Variants in CADM2 observed in about 807,000 individuals in gnomAD.
The protein encoded by CADM2 is immunoglobulin superfamily member 4D.
In CADM2, 12 loss-of-function variants were observed where a neutral mutation model predicts 49.8. The ratio of observed to expected loss-of-function variants is 0.24; its 90% CI spans 0.15 to 0.39. CADM2 has a LOEUF of 0.39. Among genes scored for constraint, CADM2 ranks in the 10% least tolerant of loss-of-function variants. The probability of loss-of-function intolerance (pLI) is 1.00; values close to 1 mark genes in which losing one functional copy is unlikely to be tolerated. For synonymous variants in CADM2, 214 were observed against 175.4 expected (o/e 1.22, Z -1.74); for missense variants, 378 against 492.3 (o/e 0.77, Z 2.20).
chr3:85,919,625 A>G (rs1718840337), intron 6 of CADM2, among the ~76,000 whole-genome samples: 1 of 151,904 alleles, frequency 6.6e-6, no homozygotes, highest in East Asian at 1.9e-4. Flanking sequence ...TACCATGCGA[A>G]TTACTAATAA....
At chr3:85,913,083 G>C (rs1423017094) in intron 6 of CADM2, among the ~76,000 whole-genome samples, 1 of 152,130 alleles carries the variant, frequency 6.6e-6, no homozygotes, top group East Asian at 1.9e-4. Flanking sequence ...GATCGGGGCA[G>C]TGCTAAATGT....
intron 1 of CADM2, among the ~76,000 whole-genome samples, chr3:85,358,689 A>G (rs967022690): frequency 1.3e-5 from 2 of 152,190 alleles, no homozygotes; most frequent in Admixed American, 6.6e-5. Flanking sequence ...TCAAGTACTA[A>G]TCTTAGAAGA....
chr3:85,344,755 T>G (rs150348402), intron 1 of CADM2, among the ~76,000 whole-genome samples: 2 of 152,302 alleles, frequency 1.3e-5, no homozygotes, highest in African/African-American at 4.8e-5. Context: ...TGAATGTGCA[T>G]TTGTACATTT....
chr3:85,909,688 A>G (rs1717302027), intron 5 of CADM2, among the ~76,000 whole-genome samples: 1 of 152,178 alleles, frequency 6.6e-6, no homozygotes. Flanking sequence ...GCTATTCTTG[A>G]TCACCATGTA....
At chr3:85,484,686 A>G (rs1268357635) in intron 1 of CADM2, among the ~76,000 whole-genome samples, 2 of 151,966 alleles carry the variant, frequency 1.3e-5, no homozygotes, top group Non-Finnish European at 2.9e-5. Context: ...CACAGACCCC[A>G]ACAGCATAAG....
chr3:85,419,029 T>A (rs973755759), intron 1 of CADM2, among the ~76,000 whole-genome samples: 3 of 152,128 alleles, frequency 2.0e-5, no homozygotes, highest in African/African-American at 7.2e-5. Flanking sequence ...ATAAGTACAC[T>A]CAGCAATTTT....
intron 8 of CADM2, among the ~76,000 whole-genome samples, chr3:85,971,549 C>CT (rs1726140143): frequency 6.6e-6 from 1 of 151,592 alleles, no homozygotes; most frequent in African/African-American, 2.4e-5. Flanking sequence ...TTACGTTTTT[C>CT]TTTTAATGGA....
intron 8 of CADM2, among the ~76,000 whole-genome samples, chr3:86,063,033 ATGTT>A (rs1738875850): frequency 6.6e-6 from 1 of 152,140 alleles, no homozygotes; most frequent in Non-Finnish European, 1.5e-5. Context: ...AGCAAAGAAG[ATGTT>A]TGTTATCAGC....
At chr3:86,020,833 T>C (rs983412529) in intron 8 of CADM2, among the ~76,000 whole-genome samples, 1 of 152,140 alleles carries the variant, frequency 6.6e-6, no homozygotes, top group African/African-American at 2.4e-5. Flanking sequence ...TGATGGGACG[T>C]ATTTCAAAAT....
At chr3:85,011,207 T>G (rs562875962) in intron 1 of CADM2, among the ~76,000 whole-genome samples, 1 of 152,242 alleles carries the variant, frequency 6.6e-6, no homozygotes, top group South Asian at 2.1e-4. Context: ...ACTTTTATTT[T>G]GACTTATAGT....
At chr3:85,229,488 T>A (rs961190160) in intron 1 of CADM2, among the ~76,000 whole-genome samples, 4 of 152,144 alleles carry the variant, frequency 2.6e-5, no homozygotes, top group African/African-American at 4.8e-5. Context: ...CCCAGTGAGA[T>A]GAACCAGATA....
intron 1 of CADM2, among the ~76,000 whole-genome samples, chr3:85,410,825 T>C (rs944597116): frequency 3.3e-5 from 5 of 152,122 alleles, no homozygotes; most frequent in African/African-American, 1.2e-4. Flanking sequence ...ATGATTCTGC[T>C]GAAAAAGAGT....
intron 2 of CADM2, among the ~76,000 whole-genome samples, chr3:85,757,002 T>C (rs781519095): frequency 6.6e-6 from 1 of 152,136 alleles, no homozygotes; most frequent in Non-Finnish European, 1.5e-5. Context: ...TGATCTCCAC[T>C]TGGGTTGTCA....
chr3:85,820,820 A>G (rs1487737632), intron 3 of CADM2, among the ~76,000 whole-genome samples: 2 of 152,152 alleles, frequency 1.3e-5, no homozygotes, highest in East Asian at 3.9e-4. Context: ...AAGGAGTCCA[A>G]GGACTGAGTT....
intron 1 of CADM2, among the ~76,000 whole-genome samples, chr3:85,388,892 T>G (rs955776569): frequency 2.2e-4 from 34 of 152,070 alleles, no homozygotes; most frequent in African/African-American, 7.7e-4. Context: ...GTTAGATAGA[T>G]CTTACAGAAA....
chr3:85,067,281 G>C (rs963258513), intron 1 of CADM2, among the ~76,000 whole-genome samples: 20 of 127,142 alleles, frequency 1.6e-4, no homozygotes, highest in African/African-American at 5.2e-4. Context: ...TAATTAAACT[G>C]TGTGTGTGTG....
At chr3:85,474,677 T>G (rs1385537576) in intron 1 of CADM2, among the ~76,000 whole-genome samples, 6 of 152,020 alleles carry the variant, frequency 3.9e-5, no homozygotes, top group Non-Finnish European at 5.9e-5. Context: ...CAGAATAAAA[T>G]TTAAAACCTT....
intron 8 of CADM2, among the ~76,000 whole-genome samples, chr3:86,021,219 C>T (rs149797889): frequency 0.021 from 3,128 of 152,182 alleles, 88 homozygotes; most frequent in African/African-American, 0.062. Context: ...AGGCTGGTCT[C>T]GAACTCCTGA....
chr3:86,019,555 G>C (rs1484650007), intron 8 of CADM2, among the ~76,000 whole-genome samples: 2 of 148,418 alleles, frequency 1.3e-5, no homozygotes, highest in Non-Finnish European at 3.0e-5. Context: ...TTATTTCCTT[G>C]AGCAGTGGTT....
Sources: allele counts gnomAD v4.1 joint callset (sites outside exome capture counted in the v4.1 genomes callset), GRCh38; gene constraint gnomAD v4.1.1; transcripts MANE v1.5; gene names NCBI Gene and HGNC (gene_info 2026-07-23, HGNC 2026-07-21).